ZFP1: variants seen among roughly 807,000 people sequenced by gnomAD.
ZFP1 encodes ZFP1 zinc finger protein, also known as zinc finger protein 1 homolog.
In ZFP1, 32 loss-of-function variants were observed where a neutral mutation model predicts 38.5. That is an observed-to-expected ratio of 0.83 (90% confidence interval 0.63 to 1.12). The LOEUF is 1.12. Among genes scored for constraint, ZFP1 ranks in the 50% most tolerant of loss-of-function variants. The probability of loss-of-function intolerance (pLI) is 0.00; values close to 1 mark genes in which losing one functional copy is unlikely to be tolerated. For missense variants in ZFP1, 616 were observed against 480.8 expected (o/e 1.28, Z -2.63); for synonymous variants, 245 against 168.8 (o/e 1.45, Z -3.50).
At position 75,169,456 on chromosome 16, in the gene ZFP1, A is replaced by T; in HGVS notation, c.346A>T (p.Asn116Tyr). 1 of 1,612,758 alleles carries T rather than the reference A, an allele frequency of 6.2e-7. No individual in the cohort carries two copies. The highest frequency in any genetic ancestry group is 1.3e-5 in the African/African-American group (1 of 74,854). ...CTTATATGAAAAAACTTTGAAATATAATTCAGACTTGCTTAATAGTAATAG... is the reference window on the plus strand; with the variant it reads ...CTTATATGAAAAAACTTTGAAATATTATTCAGACTTGCTTAATAGTAATAG... ...YDLYEKTLKY[N>Y]SDLLNSNRSY... The change falls in exon 4 of 4, where the codon AAT becomes TAT. Residue 116 changes from asparagine (N) to tyrosine (Y), a missense_variant. Asn to Tyr is a moderately radical substitution (Grantham distance 143). Transcript: ENST00000570010.
chr16:75,155,696 A>G (rs74024726), intron 2 of ZFP1, among the ~76,000 whole-genome samples: 8,630 of 152,236 alleles, frequency 0.057, 449 homozygotes, highest in African/African-American at 0.14. Context: ...CTTTATGACA[A>G]ATTTTCTGAT....
chr16:75,163,142 C>T (rs2037871776), intron 2 of ZFP1, among the ~76,000 whole-genome samples: 1 of 151,584 alleles, frequency 6.6e-6, no homozygotes, highest in African/African-American at 2.4e-5. Flanking sequence ...CTCCTGACCT[C>T]GTGATCCACC....
At chr16:75,157,836 C>G (rs1045748890) in intron 2 of ZFP1, among the ~76,000 whole-genome samples, 1 of 152,066 alleles carries the variant, frequency 6.6e-6, no homozygotes, top group Non-Finnish European at 1.5e-5. Flanking sequence ...GGCTCTGTTA[C>G]CCAGGCTGGA....
At chr16:75,165,926 G>A (rs551496769) in intron 2 of ZFP1, among the ~76,000 whole-genome samples, 1 of 152,170 alleles carries the variant, frequency 6.6e-6, no homozygotes, top group East Asian at 1.9e-4. Flanking sequence ...TTGCATTTCA[G>A]TTTAGATATT....
the ZFP1 span, among the ~76,000 whole-genome samples, chr16:75,123,460 TATATATATATATATA>T: frequency 2.1e-4 from 2 of 9,660 alleles, 1 homozygote; most frequent in East Asian, 8.2e-3. Context: ...TATATGTATA[TATATATATATATATA>T]TATATATATA....
chr16:75,147,920 C>G (rs1213529107), upstream of ZFP1, among the ~76,000 whole-genome samples: 1 of 152,146 alleles, frequency 6.6e-6, no homozygotes, highest in Non-Finnish European at 1.5e-5. Context: ...GTGTTCTCAT[C>G]AGACAAATAA....
At chr16:75,130,125 T>C in the ZFP1 span, among the ~76,000 whole-genome samples, 1 of 151,986 alleles carries the variant, frequency 6.6e-6, no homozygotes, top group Non-Finnish European at 1.5e-5. Flanking sequence ...GCCTCTCCAG[T>C]AGCTAGCTGG....
chr16:75,122,381 G>C, the ZFP1 span, among the ~76,000 whole-genome samples: 1 of 152,204 alleles, frequency 6.6e-6, no homozygotes, highest in Non-Finnish European at 1.5e-5. Context: ...TCAGGACAGA[G>C]TAGGTGACCA....
At chr16:75,161,776 T>TATATATA (rs1225483116) in intron 2 of ZFP1, among the ~76,000 whole-genome samples, 24 of 4,442 alleles carry the variant, frequency 5.4e-3, no homozygotes, top group African/African-American at 0.011. Flanking sequence ...ATATATATAT[T>TATATATA]TTTTTTTTTT....
At chr16:75,145,187 C>A (rs1567516839), upstream of ZFP1, among the ~76,000 whole-genome samples, 1 of 152,286 alleles carries the variant, frequency 6.6e-6, no homozygotes, top group East Asian at 1.9e-4. Flanking sequence ...TTCTATGAAC[C>A]TGTTTGAGGA....
intron 2 of ZFP1, among the ~76,000 whole-genome samples, chr16:75,155,881 T>C (rs1422439659): frequency 6.6e-6 from 1 of 152,210 alleles, no homozygotes; most frequent in Middle Eastern, 3.2e-3. Flanking sequence ...AAACTATAAC[T>C]GGAATTAATA....
At chr16:75,156,644 G>C (rs1284539011) in intron 2 of ZFP1, among the ~76,000 whole-genome samples, 1 of 152,160 alleles carries the variant, frequency 6.6e-6, no homozygotes, top group African/African-American at 2.4e-5. Flanking sequence ...TGGGCCGTGT[G>C]ACAGGGTCAG....
chr16:75,143,647 CTTTTTT>C (rs386385080), upstream of ZFP1, among the ~76,000 whole-genome samples: 1 of 93,794 alleles, frequency 1.1e-5, no homozygotes, highest in Non-Finnish European at 1.9e-5. Context: ...GGAGGTGAAT[CTTTTTT>C]TTTTTTTTTT....
the ZFP1 span, among the ~76,000 whole-genome samples, chr16:75,141,003 G>C: frequency 6.6e-6 from 1 of 151,946 alleles, no homozygotes; most frequent in African/African-American, 2.4e-5. Context: ...TTGTCATTCA[G>C]AACCTCACAA....
intron 3 of ZFP1, 105 bp downstream of exon 3, chr16:75,167,001 A>AGTCCTCAGGT (rs1242257727): frequency 6.6e-7 from 1 of 1,518,372 alleles, no homozygotes; most frequent in African/African-American, 1.4e-5. Context: ...TTTTGGCCTA[A>AGTCCTCAGGT]GTCCTCAGGT....
upstream of ZFP1, among the ~76,000 whole-genome samples, chr16:75,143,631 G>A (rs369597416): frequency 3.4e-5 from 5 of 147,542 alleles, no homozygotes; most frequent in African/African-American, 5.0e-5. Flanking sequence ...CTTTTCTGGG[G>A]ATCCAGGAGG....
intron 2 of ZFP1, among the ~76,000 whole-genome samples, chr16:75,155,543 C>A (rs762708963): frequency 1.3e-5 from 2 of 152,120 alleles, no homozygotes; most frequent in Non-Finnish European, 2.9e-5. Context: ...TTGTGTGACA[C>A]ATGTACAGAA....
the ZFP1 span, among the ~76,000 whole-genome samples, chr16:75,138,199 G>A: frequency 6.6e-6 from 1 of 151,916 alleles, no homozygotes. Flanking sequence ...ACCACACCTG[G>A]CTAATTTTTG....
the ZFP1 span, among the ~76,000 whole-genome samples, chr16:75,136,803 C>T: frequency 6.6e-6 from 1 of 152,046 alleles, no homozygotes; most frequent in East Asian, 1.9e-4. Flanking sequence ...TCCAGGAGTT[C>T]AAGGCTGCAG....
Sources: gnomAD v4.1 joint callset for allele counts (sites outside exome capture counted in the v4.1 genomes callset) on GRCh38, gnomAD v4.1.1 for gene constraint, MANE v1.5 for transcripts, NCBI Gene and HGNC (gene_info 2026-07-23, HGNC 2026-07-21) for gene names.